The following HYAL3 variants were observed in gnomAD, a reference collection of about 807,000 sequenced individuals.
HYAL3 encodes the protein hyaluronidase 3, also known as hyaluronidase-3.
In HYAL3, 25 loss-of-function variants were observed where a neutral mutation model predicts 29.6. That is an observed-to-expected ratio of 0.85 (90% CI 0.62 to 1.18). The LOEUF is 1.18. Among genes scored for constraint, HYAL3 ranks in the 50% most tolerant of loss-of-function variants. The pLI is 0.00. For missense variants in HYAL3, 442 were observed against 548.4 expected (o/e 0.81, Z 1.94); for synonymous variants, 215 against 218.3 (o/e 0.99, Z 0.13).
Position 50,297,188 on chromosome 3 carries a change from G to A in HYAL3, c.-17-1569C>T. On this transcript the variant is annotated intron_variant, in intron 1 of 3. Transcript: ENST00000336307. The surrounding 1 kb of genome is among the most constrained non-coding windows in gnomAD (Gnocchi z 4.3). ...AGGCATCTGAGGACTGGCCCAGGGAGTGCAGGCGGGAGGTGCGGCTGCGGG... is the reference window on the plus strand; with the variant it reads ...AGGCATCTGAGGACTGGCCCAGGGAATGCAGGCGGGAGGTGCGGCTGCGGG... 6 of 1,612,168 alleles carry A rather than the reference G, an allele frequency of 3.7e-6. No individual in the cohort carries two copies. Among genetic ancestry groups the A allele is most frequent in the South Asian group, 3.3e-5 (3 of 90,842 alleles).
rs782378007 is a variant in HYAL3 at position 50,293,619 on chromosome 3, G to A, written c.984+13C>T. 2.5e-6 allele frequency: 4 copies of A among 1,613,800 alleles called. No homozygotes were observed. Among genetic ancestry groups the A allele is most frequent in the Non-Finnish European group, 3.4e-6 (4 of 1,179,974 alleles). ...CATGTGCTACATGGCAGGCTCAAAG[G>A]GGCAATGATCACCTCAGAGCTGGAG... is the stretch of plus-strand genomic sequence containing the variant. On this transcript the variant is annotated intron_variant, in intron 3 of 3. Coordinates refer to ENST00000336307, the MANE Select transcript of HYAL3 (RefSeq NM_003549.4).
rs971287552 is a variant in HYAL3 at position 50,299,293 on chromosome 3, C to T, written c.-98G>A. The T allele has an allele frequency of 4.3e-6, 7 of 1,612,314 alleles. No homozygotes were observed. The highest frequency in any genetic ancestry group is 1.7e-5 in the Admixed American group (1 of 59,890). On this transcript the variant is annotated 5_prime_UTR_variant, in exon 1 of 4. Transcript: ENST00000336307. ...CTCACTCAGTCGCCACCTCGGACTC[C>T]TCGGTCCGACAACGTTGGCCCCCAG...
rs782243581 is a variant in HYAL3, at chr3:50,295,338, T to C, written c.265A>G (p.Thr89Ala). ...TGGGGGATGCCCCCATTGTGAGCTG[T>C]GCCCCTGGGTCCAAAGTAGGGATAG... ...GLYPYFGPRG[T>A]AHNGGIPQAL... The change falls in exon 2 of 4, where the codon ACA becomes GCA. Residue 89 changes from threonine to alanine, a missense_variant. Transcript: ENST00000336307. The C allele has an allele frequency of 6.2e-6, 10 of 1,614,040 alleles. No individual in the cohort carries two copies. The African/African-American group carries it at 1.3e-4, about 22-fold the overall frequency.
rs1363702372 is a variant in HYAL3, at chr3:50,295,299, C to T, written c.304G>A (p.Asp102Asn). The T allele has an allele frequency of 6.2e-7, 1 of 1,614,138 alleles. No individual in the cohort carries two copies. The highest frequency in any genetic ancestry group is 1.7e-5 in the Admixed American group (1 of 60,030). ...TAGGCAGCCAGTGCCAGGTGGCGGTCAAGGGGCAAAGCCTGGGGGATGCCC... is the reference window on the plus strand; with the variant it reads ...TAGGCAGCCAGTGCCAGGTGGCGGTTAAGGGGCAAAGCCTGGGGGATGCCC... ...NGGIPQALPL[D>N]RHLALAAYQI... Residue 102 changes from aspartate (D) to asparagine (N), a missense_variant, in exon 2 of 4, where the codon GAC (aspartate) becomes AAC (asparagine). Transcript: ENST00000336307.
Position 50,295,154 on chromosome 3 carries a change from C to T in HYAL3, c.449G>A (p.Trp150Ter), listed in dbSNP as rs1701790848. 1 of 1,613,456 alleles carries T rather than the reference C, an allele frequency of 6.2e-7. No individual in the cohort carries two copies. The highest frequency in any genetic ancestry group is 1.1e-5 in the South Asian group (1 of 91,092). ...GRRRAYQAASWAWAQQVFPDL... is the reference protein window; with the variant it reads ...GRRRAYQAAS ...AGGGAATACCTGCTGTGCCCAAGCCCAAGAGGCTGCCTGATAAGCTCGGCG... is the reference window on the plus strand; with the variant it reads ...AGGGAATACCTGCTGTGCCCAAGCCTAAGAGGCTGCCTGATAAGCTCGGCG... The change falls in exon 2 of 4, where the codon TGG becomes TAG. Residue 150 changes from tryptophan (W) to a stop codon, truncating the protein, a stop_gained. Coordinates refer to ENST00000336307, the MANE Select transcript of HYAL3 (RefSeq NM_003549.4). LOFTEE classifies it high-confidence loss of function.
intron 1 of HYAL3, chr3:50,296,970 C>T (rs763891675): frequency 2.4e-5 from 38 of 1,591,212 alleles, no homozygotes; most frequent in African/African-American, 1.1e-4. Context: ...GCCCCGGGCC[C>T]GAGCAAAGAC....
intron 1 of HYAL3, 102 bp downstream of exon 1, chr3:50,299,111 A>G: frequency 6.2e-7 from 1 of 1,610,904 alleles, no homozygotes; most frequent in Non-Finnish European, 8.5e-7. Flanking sequence ...TCTGGAAACG[A>G]ACGACTGACG....
At chr3:50,294,556 G>A (rs1701766599) in intron 2 of HYAL3, among the ~76,000 whole-genome samples, 153 bp downstream of exon 2, 3 of 152,158 alleles carry the variant, frequency 2.0e-5, no homozygotes, top group Admixed American at 1.3e-4. Context: ...CCAGGGCAAA[G>A]CCATGCCTCC....
chr3:50,295,233 C>T lies in HYAL3; in HGVS notation c.370G>A (p.Ala124Thr). ...HSLRPGFAGPAVLDWEEWCPL... is the reference protein window; with the variant it reads ...HSLRPGFAGPTVLDWEEWCPL... ...CACCACTCCTCCCAATCCAGCACTG[C>T]TGGGCCAGCAAAGCCAGGTCTCAGG... is the stretch of plus-strand genomic sequence containing the variant. Residue 124 changes from alanine (A) to threonine (T), a missense_variant, in exon 2 of 4, where the codon GCA becomes ACA. Coordinates refer to ENST00000336307, the MANE Select transcript of HYAL3 (RefSeq NM_003549.4). The T allele has an allele frequency of 6.2e-7, 1 of 1,613,810 alleles. No individual in the cohort carries two copies. Among genetic ancestry groups the T allele is most frequent in the East Asian group, 2.2e-5 (1 of 44,884 alleles).
chr3:50,298,052 TTC>T, intron 1 of HYAL3: 1 of 985,672 alleles, frequency 1.0e-6, no homozygotes, highest in Non-Finnish European at 1.2e-6. Flanking sequence ...CTTGCTGGCC[TTC>T]TGTCTTCCAG....
Position 50,294,664 on chromosome 3 carries a change from G to A in HYAL3, c.894+45C>T, listed in dbSNP as rs370679224. On this transcript the variant is annotated intron_variant, in intron 2 of 3. Transcript: ENST00000336307. The stretch of plus-strand genomic sequence containing the variant: ...TCTCCTGGGACCTTCCTAGAACAGG[G>A]CCATACCTCCTGACTCAGACCCCTA... The A allele has an allele frequency of 2.1e-4, 312 of 1,459,618 alleles. 1 individual carries two copies. The highest frequency in any genetic ancestry group is 3.0e-4 in the African/African-American group (21 of 70,838). The allele number at this position is 1,459,618 out of a possible 1,614,324, so 90.4% of individuals were successfully genotyped here. A position where few individuals can be genotyped will look rare whatever the true frequency, so the allele number is the denominator to read the frequency against.
chr3:50,295,005 A>G lies in HYAL3; in HGVS notation c.598T>C (p.Tyr200His). 1 of 1,613,416 alleles carries G rather than the reference A, an allele frequency of 6.2e-7. No individual in the cohort carries two copies. The highest frequency in any genetic ancestry group is 8.5e-7 in the Non-Finnish European group (1 of 1,179,922). The change falls in exon 2 of 4, where the codon TAT becomes CAT. Residue 200 changes from tyrosine (Y) to histidine (H), a missense_variant. Coordinates refer to ENST00000336307, the MANE Select transcript of HYAL3 (RefSeq NM_003549.4). The stretch of plus-strand genomic sequence containing the variant: ...CCATTGCCACAGGCTGGGTAGTGAT[A>G]GAAGCCCCAGAGTCCATGGGGCCGT... Reference protein sequence around the residue: ...ALRPHGLWGFYHYPACGNGWH... With the variant: ...ALRPHGLWGFHHYPACGNGWH...
In HYAL3 at chr3:50,299,337, G is replaced by A. The variant is rs1553711933; in HGVS notation, c.-142C>T. ...CCCCCAGCGGTGCGGCGGATGTTCTGCAGCCGTCGCGTCCTGCGGCACGCC... is the reference window on the plus strand; with the variant it reads ...CCCCCAGCGGTGCGGCGGATGTTCTACAGCCGTCGCGTCCTGCGGCACGCC... On this transcript the variant is annotated 5_prime_UTR_variant, in exon 1 of 4. Transcript: ENST00000336307. 2 of 1,581,808 alleles carry A rather than the reference G, an allele frequency of 1.3e-6. No homozygotes were observed. The highest frequency in any genetic ancestry group is 1.7e-6 in the Non-Finnish European group (2 of 1,166,582).
In HYAL3 at chr3:50,295,313, T is replaced by G; in HGVS notation, c.290A>C (p.Gln97Pro). The change falls in exon 2 of 4, where the codon CAG becomes CCG. Residue 97 changes from glutamine (Q) to proline (P), a missense_variant. By Grantham distance (76) the Gln-to-Pro change is moderately conservative. Coordinates refer to ENST00000336307, the MANE Select transcript of HYAL3 (RefSeq NM_003549.4). The part of the protein sequence containing the change: ...RGTAHNGGIP[Q>P]ALPLDRHLAL... Reference sequence around the variant, plus strand: ...CAGGTGGCGGTCAAGGGGCAAAGCCTGGGGGATGCCCCCATTGTGAGCTGT... The same window carrying G: ...CAGGTGGCGGTCAAGGGGCAAAGCCGGGGGGATGCCCCCATTGTGAGCTGT... The G allele has an allele frequency of 6.2e-7, 1 of 1,614,182 alleles. No individual in the cohort carries two copies. Among genetic ancestry groups the G allele is most frequent in the Non-Finnish European group, 8.5e-7 (1 of 1,180,042 alleles).
Position 50,299,405 on chromosome 3 carries a change from G to A in HYAL3, c.-210C>T. The stretch of plus-strand genomic sequence containing the variant: ...CCCAGCACCCGCGCGTCGCCGCTTA[G>A]AACCCGCCCCTGGTTTGCGCGTCAC... On this transcript the variant is annotated 5_prime_UTR_variant, in exon 1 of 4. Coordinates refer to ENST00000336307, the MANE Select transcript of HYAL3 (RefSeq NM_003549.4). 7.7e-7 allele frequency: 1 copy of A among 1,302,340 alleles called. No individual in the cohort carries two copies. Among genetic ancestry groups the A allele is most frequent in the Non-Finnish European group, 1.1e-6 (1 of 950,506 alleles). The allele number at this position is 1,302,340 out of a possible 1,614,324, so 80.7% of individuals were successfully genotyped here.
intron 1 of HYAL3, 31 bp from the exon 2 acceptor site, chr3:50,295,650 G>A (rs1184445405): frequency 2.0e-6 from 3 of 1,496,054 alleles, no homozygotes; most frequent in Non-Finnish European, 1.8e-6. Flanking sequence ...TAAGCTTAGA[G>A]TCCGCAGCTA....
At position 50,293,512 on chromosome 3, in the gene HYAL3, C is replaced by A; in HGVS notation, c.988G>T (p.Glu330Ter). The change falls in exon 4 of 4, where the codon GAG becomes TAG. Residue 330 changes from glutamate (E) to a stop codon, truncating the protein, a stop_gained. Coordinates refer to ENST00000336307, the MANE Select transcript of HYAL3 (RefSeq NM_003549.4). LOFTEE classifies it high-confidence loss of function. ...AGGTAGTCATGGAGATGCCAGCACTCCTCCTGAGGAGAAGGGAAGATATGT... is the reference window on the plus strand; with the variant it reads ...AGGTAGTCATGGAGATGCCAGCACTACTCCTGAGGAGAAGGGAAGATATGT... ...GDLSLSSSEE[E>*]CWHLHDYLVD... 6.2e-7 allele frequency: 1 copy of A among 1,612,066 alleles called. No homozygotes were observed. The highest frequency in any genetic ancestry group is 8.5e-7 in the Non-Finnish European group (1 of 1,178,520).
chr3:50,296,964 C>T (rs1238874730), intron 1 of HYAL3: 10 of 1,594,716 alleles, frequency 6.3e-6, no homozygotes, highest in African/African-American at 4.0e-5. Context: ...GCGGAAGCCC[C>T]GGGCCCGAGC....
chr3:50,297,210 C>CG lies in HYAL3; in HGVS notation c.-17-1592dup. On this transcript the variant is annotated intron_variant, in intron 1 of 3. Coordinates refer to ENST00000336307, the MANE Select transcript of HYAL3 (RefSeq NM_003549.4). This position sits in a 1 kb window ranked among gnomAD's most constrained non-coding sequence, Gnocchi z 4.3. ...GGAGTGCAGGCGGGAGGTGCGGCTG[C>CG]GGGGCCACTGATCATTGATGAGGTC... The CG allele has an allele frequency of 6.2e-7, 1 of 1,612,598 alleles. No homozygotes were observed.
Sources: gnomAD v4.1 joint callset for allele counts (sites outside exome capture counted in the v4.1 genomes callset) on GRCh38, gnomAD v4.1.1 for gene constraint, Gnocchi (gnomAD v3.1) non-coding constraint, MANE v1.5 for transcripts, NCBI Gene and HGNC (gene_info 2026-07-23, HGNC 2026-07-21) for gene names.